The following ARSG variants were observed in gnomAD, a reference collection of about 807,000 sequenced individuals.
ARSG encodes arylsulfatase G.
ARSG carries 37 observed loss-of-function variants against 50.5 expected under a neutral mutation model. That is an observed-to-expected ratio of 0.73 (90% CI 0.56 to 0.96). The LOEUF (loss-of-function observed/expected upper bound fraction) is 0.96, where lower values mean the gene tolerates loss of function less well. Among genes scored for constraint, ARSG ranks in the 50% least tolerant of loss-of-function variants. The pLI, the probability that ARSG is intolerant of heterozygous loss-of-function variation, is 0.00. For missense variants in ARSG, 629 were observed against 675.3 expected, an observed-to-expected ratio of 0.93 and a Z score of 0.76; for synonymous variants, 225 against 254.6, an observed-to-expected ratio of 0.88 and a Z score of 1.11.
At chr17:68,351,308 G>A (rs1360751572) in intron 4 of ARSG, among the ~76,000 whole-genome samples, 1 of 151,616 alleles carries the variant, frequency 6.6e-6, no homozygotes, top group African/African-American at 2.4e-5. Flanking sequence ...AAGATGTTAG[G>A]CATTCAATAA....
At chr17:68,451,407 C>A in the ARSG span, among the ~76,000 whole-genome samples, 1 of 152,168 alleles carries the variant, frequency 6.6e-6, no homozygotes, top group South Asian at 2.1e-4. Context: ...GCACTCCAGC[C>A]TGGGCGACAA....
At position 68,307,550 on chromosome 17, in the gene ARSG, T is replaced by C. The variant is rs2076652081; in HGVS notation, c.57T>C (p.Leu19=). ...LLAGVSFSGF[L]YPLVDFCISG... is the part of the protein sequence containing the mutation. ...CGGGAGTGAGTTTCTCAGGATTTCTTTATCCTCTTGTGGATTTTTGCATCA... is the reference window on the plus strand; with the variant it reads ...CGGGAGTGAGTTTCTCAGGATTTCTCTATCCTCTTGTGGATTTTTGCATCA... Residue 19 remains leucine, a synonymous_variant, in exon 2 of 12, where the codon CTT becomes CTC. Transcript: ENST00000621439. 6.2e-7 allele frequency: 1 copy of C among 1,614,216 alleles called. No homozygotes were observed. Among genetic ancestry groups the C allele is most frequent in the Non-Finnish European group, 8.5e-7 (1 of 1,180,040 alleles).
chr17:68,431,420 G>A, the ARSG span, among the ~76,000 whole-genome samples: 1 of 152,062 alleles, frequency 6.6e-6, no homozygotes, highest in Non-Finnish European at 1.5e-5. Context: ...TGTCTCTGTG[G>A]CTGGAGGAAA....
intron 2 of ARSG, among the ~76,000 whole-genome samples, chr17:68,325,539 T>C (rs1210154017): frequency 6.6e-6 from 1 of 152,184 alleles, no homozygotes; most frequent in Non-Finnish European, 1.5e-5. Flanking sequence ...TGGTCCCTGG[T>C]ACCAGGAAGG....
intron 2 of ARSG, among the ~76,000 whole-genome samples, chr17:68,330,564 G>A (rs1252177620): frequency 6.6e-6 from 1 of 152,210 alleles, no homozygotes; most frequent in East Asian, 1.9e-4. Flanking sequence ...AACCTCAGAT[G>A]ACTGTGACTT....
At chr17:68,324,503 G>A (rs1180612243) in intron 2 of ARSG, among the ~76,000 whole-genome samples, 2 of 152,180 alleles carry the variant, frequency 1.3e-5, no homozygotes, top group African/African-American at 4.8e-5. Flanking sequence ...GGCTGTAGTG[G>A]AAAGGGCATA....
chr17:68,360,114 C>T (rs529851804), intron 6 of ARSG, among the ~76,000 whole-genome samples: 12 of 152,228 alleles, frequency 7.9e-5, no homozygotes, highest in African/African-American at 2.6e-4. Context: ...GACATCCACC[C>T]GTTAATTAAT....
the ARSG span, among the ~76,000 whole-genome samples, chr17:68,437,004 A>AT: frequency 0.012 from 1,291 of 111,466 alleles, 8 homozygotes; most frequent in Admixed American, 0.016. Context: ...AAAAAAAAAA[A>AT]AATATATATA....
intron 6 of ARSG, among the ~76,000 whole-genome samples, chr17:68,358,426 C>T (rs895503486): frequency 6.6e-6 from 1 of 150,406 alleles, no homozygotes; most frequent in Admixed American, 6.6e-5. Context: ...CGGTGGCTCA[C>T]GTCTGTAATC....
chr17:68,274,379 T>C (rs1451414329), intron 1 of ARSG: 2 of 219,994 alleles, frequency 9.1e-6, no homozygotes, highest in African/African-American at 4.5e-5. Context: ...GATGGGAGGA[T>C]TGTTTGAGCC....
intron 10 of ARSG, among the ~76,000 whole-genome samples, chr17:68,396,155 C>G (rs1471499591): frequency 1.3e-5 from 2 of 152,004 alleles, no homozygotes; most frequent in Non-Finnish European, 2.9e-5. Flanking sequence ...ACTACACCCT[C>G]CCGAGCCCAT....
chr17:68,448,493 T>C, the ARSG span: 1 of 152,058 alleles, frequency 6.6e-6, no homozygotes, highest in South Asian at 2.1e-4. Flanking sequence ...CTTTAGAAGG[T>C]GGGGGAGGAG....
In ARSG at chr17:68,393,531, G is replaced by A. The variant is rs116968948; in HGVS notation, c.1092-1542G>A. 1.5e-3 allele frequency among the ~76,000 whole-genome samples: 224 copies of A among 152,242 alleles called. 5 individuals are homozygous for A. The East Asian group carries it at 0.038, about 26-fold the overall frequency. On this transcript the variant is annotated intron_variant, in intron 9 of 11. Transcript: ENST00000621439. ...AATTCGAATATGCCAAAGAGAAGCC[G>A]AAATGTGCTTCCTTTAAGTGAAAGG...
In ARSG at chr17:68,356,699, C is replaced by T. The variant is rs371724385; in HGVS notation, c.599C>T (p.Ala200Val). 4 of 1,614,074 alleles carry T rather than the reference C, an allele frequency of 2.5e-6. No individual in the cohort carries two copies. In the African/African-American group the frequency reaches 5.3e-5, roughly 22 times the overall value. Residue 200 changes from alanine to valine, a missense_variant, in exon 6 of 12, where the codon GCC (alanine) becomes GTC (valine). Transcript: ENST00000621439. ...CAAAGAGACTGTTACACTGACGTGG[C>T]CCTCCCTCTTTATGAAAACCTCAAC... ...NLQRDCYTDV[A>V]LPLYENLNIV...
chr17:68,426,299 C>T, downstream of ARSG: 1 of 751,444 alleles, frequency 1.3e-6, no homozygotes, highest in East Asian at 2.7e-5. Context: ...CTGTCTTCCC[C>T]CTGGAGGTAC....
intron 2 of ARSG, among the ~76,000 whole-genome samples, chr17:68,339,799 C>T (rs907669855): frequency 5.3e-5 from 8 of 152,140 alleles, no homozygotes; most frequent in East Asian, 1.9e-4. Context: ...AGGAGATGTA[C>T]GAGGTCAGGG....
chr17:68,450,804 T>C, the ARSG span: 9 of 1,614,088 alleles, frequency 5.6e-6, no homozygotes, highest in Non-Finnish European at 6.8e-6. Context: ...CTTGAAGTGA[T>C]ACACGTTCAT....
Position 68,307,557 on chromosome 17 carries a change from C to T in ARSG, c.64C>T (p.Leu22Phe). The change falls in exon 2 of 12, where the codon CTT (leucine) becomes TTT (phenylalanine). Residue 22 changes from leucine to phenylalanine, a missense_variant. Coordinates refer to ENST00000621439, the MANE Select transcript of ARSG (RefSeq NM_001267727.2). ...GAGTTTCTCAGGATTTCTTTATCCT[C>T]TTGTGGATTTTTGCATCAGTGGGAA... is the stretch of plus-strand genomic sequence containing the variant. ...GVSFSGFLYPLVDFCISGKTR... is the reference protein window; with the variant it reads ...GVSFSGFLYPFVDFCISGKTR... 6.2e-7 allele frequency: 1 copy of T among 1,614,104 alleles called. No homozygotes were observed. Among genetic ancestry groups the T allele is most frequent in the South Asian group, 1.1e-5 (1 of 91,080 alleles).
chr17:68,426,995 G>A, downstream of ARSG: 1 of 691,744 alleles, frequency 1.4e-6, no homozygotes, highest in South Asian at 1.8e-5. Context: ...TCCACCCCCA[G>A]GTAACAGTGA....
Sources: allele counts gnomAD v4.1 joint callset (sites outside exome capture counted in the v4.1 genomes callset), GRCh38; gene constraint gnomAD v4.1.1; transcripts MANE v1.5; gene names NCBI Gene and HGNC (gene_info 2026-07-23, HGNC 2026-07-21).